The following ACACB variants were observed in gnomAD, a reference collection of about 807,000 sequenced individuals.
ACACB encodes acetyl-CoA carboxylase beta.
A neutral mutation model predicts 278.8 loss-of-function variants in ACACB; 209 were observed. The ratio of observed to expected loss-of-function variants is 0.75; its 90% CI spans 0.67 to 0.84. The LOEUF is 0.84. Among genes scored for constraint, ACACB ranks in the 40% least tolerant of loss-of-function variants. The pLI is 0.00. For missense variants in ACACB, 2,850 were observed against 3,269.0 expected, an observed-to-expected ratio of 0.87 and a Z score of 3.13; for synonymous variants, 1,174 against 1,285.6, an observed-to-expected ratio of 0.91 and a Z score of 1.86.
At chr12:109,265,066 C>G in intron 50 of ACACB, 44 bp from the exon 51 acceptor site, 1 of 1,570,272 alleles carries the variant, frequency 6.4e-7, no homozygotes, top group East Asian at 2.2e-5. Context: ...AGTGTCCCGT[C>G]TCCTCCTTCC....
At chr12:109,226,248 G>A (rs900165907) in intron 27 of ACACB, among the ~76,000 whole-genome samples, 4 of 152,188 alleles carry the variant, frequency 2.6e-5, no homozygotes, top group African/African-American at 9.7e-5. Flanking sequence ...TCCAGCCTGG[G>A]TGATGGAGTG....
At chr12:109,176,386 C>G (rs1000274661) in intron 9 of ACACB, 123 bp downstream of exon 9, 15 of 872,762 alleles carry the variant, frequency 1.7e-5, no homozygotes, top group Non-Finnish European at 1.8e-5. Flanking sequence ...CTGGATGTAT[C>G]GTTGTATCGT....
Position 109,193,673 on chromosome 12 carries a change from C to T in ACACB, c.2425C>T (p.Leu809=). 1 of 1,613,994 alleles carries T rather than the reference C, an allele frequency of 6.2e-7. No individual in the cohort carries two copies. Among genetic ancestry groups the T allele is most frequent in the Non-Finnish European group, 8.5e-7 (1 of 1,179,840 alleles). Residue 809 remains leucine, a synonymous_variant, in exon 16 of 53, where the codon CTA becomes TTA. Coordinates refer to ENST00000338432, the MANE Select transcript of ACACB (RefSeq NM_001093.4). ...GGGCCAGGTCCTCCCAGCGGATTCA[C>T]TACTGAACCTCGTAGATGTGGAATT... The part of the protein sequence containing the change: ...ERGQVLPADS[L]LNLVDVELIY...
At chr12:109,181,229 CTTT>C (rs1219593155) in intron 11 of ACACB, among the ~76,000 whole-genome samples, 4 of 130,758 alleles carry the variant, frequency 3.1e-5, no homozygotes, top group Admixed American at 7.7e-5. Flanking sequence ...TTTTTCTTTT[CTTT>C]TTTTTTTTTT....
At chr12:109,143,996 G>C (rs1158844667) in intron 2 of ACACB, among the ~76,000 whole-genome samples, 1 of 151,918 alleles carries the variant, frequency 6.6e-6, no homozygotes, top group African/African-American at 2.4e-5. Flanking sequence ...ATGAGACCCT[G>C]TCTCTACAAA....
intron 1 of ACACB, among the ~76,000 whole-genome samples, chr12:109,133,510 C>G (rs1451812492): frequency 6.6e-6 from 1 of 152,132 alleles, no homozygotes; most frequent in Non-Finnish European, 1.5e-5. Flanking sequence ...GGGTTACAGG[C>G]ATGAGCCACC....
At chr12:109,148,494 G>A (rs7971400) in intron 2 of ACACB, among the ~76,000 whole-genome samples, 3,244 of 152,254 alleles carry the variant, frequency 0.021, 98 homozygotes, top group African/African-American at 0.07. Context: ...GAAACTTAAA[G>A]CTATGAAATT....
intron 2 of ACACB, among the ~76,000 whole-genome samples, chr12:109,163,226 T>A (rs1290905298): frequency 6.6e-6 from 1 of 152,072 alleles, no homozygotes; most frequent in Non-Finnish European, 1.5e-5. Flanking sequence ...CACCCGGCCC[T>A]GAGGTCCAGT....
At chr12:109,197,187 G>A (rs781766189) in intron 17 of ACACB, 34 bp downstream of exon 17, 1 of 1,585,232 alleles carries the variant, frequency 6.3e-7, no homozygotes. Flanking sequence ...TGTGGGCTGG[G>A]CATGCACAGC....
chr12:109,164,694 G>A (rs1361853661), intron 2 of ACACB, among the ~76,000 whole-genome samples: 2 of 151,056 alleles, frequency 1.3e-5, no homozygotes, highest in African/African-American at 4.9e-5. Context: ...ACAGGCAGGT[G>A]CCACCATGCC....
chr12:109,179,805 T>G, intron 10 of ACACB, 112 bp from the exon 11 acceptor site: 2 of 1,292,902 alleles, frequency 1.5e-6, no homozygotes, highest in Non-Finnish European at 2.1e-6. Flanking sequence ...CCAAAATATT[T>G]CACATGTAGC....
At chr12:109,115,719 T>C (rs2042390563), upstream of ACACB, among the ~76,000 whole-genome samples, 1 of 152,238 alleles carries the variant, frequency 6.6e-6, no homozygotes, top group Non-Finnish European at 1.5e-5. Context: ...CTGTTCCTTA[T>C]TGCAAAATAA....
intron 43 of ACACB, 109 bp downstream of exon 43, chr12:109,253,267 G>A (rs1022481676): frequency 2.5e-6 from 3 of 1,207,590 alleles, no homozygotes; most frequent in Non-Finnish European, 3.4e-6. Flanking sequence ...GGAGCAGGAA[G>A]CACTGCACAT....
rs191993356 is a variant in ACACB, at chr12:109,204,335, C to T, written c.2914-2375C>T. On this transcript the variant is annotated intron_variant, in intron 19 of 52. Coordinates refer to ENST00000338432, the MANE Select transcript of ACACB (RefSeq NM_001093.4). Reference sequence around the variant, plus strand: ...TGTCGCCCAGGCTGGAGTGCAGTGGCGTGATCTCAGCTCACTGCAACCTCT... The same window carrying T: ...TGTCGCCCAGGCTGGAGTGCAGTGGTGTGATCTCAGCTCACTGCAACCTCT... Among the ~76,000 whole-genome samples the T allele has an allele frequency of 2.3e-3, 313 of 139,024 alleles. 2 individuals are homozygous for T. The highest frequency in any genetic ancestry group is 7.7e-3 in the African/African-American group (288 of 37,352). 91.2% of individuals were successfully genotyped at this position (139,024 alleles called of 152,430 possible).
chr12:109,252,134 C>G lies in ACACB; in HGVS notation c.5879C>G (p.Thr1960Arg). 6.2e-7 allele frequency: 1 copy of G among 1,612,588 alleles called. No homozygotes were observed. Among genetic ancestry groups the G allele is most frequent in the Non-Finnish European group, 8.5e-7 (1 of 1,179,378 alleles). Residue 1960 changes from threonine to arginine, a missense_variant, in exon 42 of 53, where the codon ACA becomes AGA. Physicochemically the swap from Thr to Arg is moderately conservative, Grantham distance 71. This residue lies in a region of ACACB where 579 missense variants were observed against 684.6 expected (regional missense o/e 0.85). Coordinates refer to ENST00000338432, the MANE Select transcript of ACACB (RefSeq NM_001093.4). ...IQVENSHIIL[T>R]GASALNKVLG... ...GTGGAGAATTCCCACATCATCCTCACAGGAGCAAGTGCTCTCAACAAGGTG... is the reference window on the plus strand; with the variant it reads ...GTGGAGAATTCCCACATCATCCTCAGAGGAGCAAGTGCTCTCAACAAGGTG...
intron 21 of ACACB, among the ~76,000 whole-genome samples, chr12:109,210,752 TA>T (rs112904520): frequency 0.081 from 11,557 of 143,224 alleles, 508 homozygotes; most frequent in African/African-American, 0.12. Context: ...CCATCTATAC[TA>T]AAAAAAAAAA....
At chr12:109,136,210 T>C (rs2136005151) in intron 1 of ACACB, among the ~76,000 whole-genome samples, 1 of 152,360 alleles carries the variant, frequency 6.6e-6, no homozygotes, top group Middle Eastern at 3.4e-3. Flanking sequence ...TCTATATGTC[T>C]ATCTTATGCC....
rs909997629 is a variant in ACACB, at chr12:109,211,897, C to A, written c.3250-939C>A. The stretch of plus-strand genomic sequence containing the variant: ...GAACTTTCAGGAATTTGTCATTGAT[C>A]CAGGTTTTTTTTTCTTTAAAAATAT... On this transcript the variant is annotated intron_variant, in intron 21 of 52. Coordinates refer to ENST00000338432, the MANE Select transcript of ACACB (RefSeq NM_001093.4). Among the ~76,000 whole-genome samples the A allele has an allele frequency of 2.0e-5, 3 of 152,010 alleles. No individual in the cohort carries two copies. In the East Asian group the frequency reaches 5.8e-4, roughly 30 times the overall value.
chr12:109,248,265 G>A (rs2047001967), intron 40 of ACACB, among the ~76,000 whole-genome samples: 1 of 152,166 alleles, frequency 6.6e-6, no homozygotes, highest in Non-Finnish European at 1.5e-5. Context: ...CTTAGTACCT[G>A]TAGCATGCTG....
Sources: allele counts gnomAD v4.1 joint callset (sites outside exome capture counted in the v4.1 genomes callset), GRCh38; gene constraint gnomAD v4.1.1; regional missense constraint gnomAD v4.1.1; transcripts MANE v1.5; gene names NCBI Gene and HGNC (gene_info 2026-07-23, HGNC 2026-07-21).